Variants in MTOR observed in about 807,000 individuals in gnomAD.
MTOR encodes mechanistic target of rapamycin kinase, also known as serine/threonine-protein kinase mTOR.
Under a neutral mutation model 319.8 loss-of-function variants are expected in MTOR, and 70 were observed. The ratio of observed to expected loss-of-function variants is 0.22; its 90% confidence interval spans 0.18 to 0.27. MTOR has a LOEUF of 0.27. MTOR is among the 10% of genes least tolerant of loss of function. MTOR has a pLI of 1.00. For missense variants in MTOR, 1,890 were observed against 3,274.4 expected (o/e 0.58, Z 10.32); for synonymous variants, 1,183 against 1,211.4 (o/e 0.98, Z 0.49).
At chr1:11,165,648 T>G (rs2100602646) in intron 29 of MTOR, among the ~76,000 whole-genome samples, 1 of 152,024 alleles carries the variant, frequency 6.6e-6, no homozygotes, top group Middle Eastern at 3.4e-3. Flanking sequence ...AGAATCAATA[T>G]CGTGAAAATG....
chr1:11,166,520 A>G (rs1338438364), intron 29 of MTOR, among the ~76,000 whole-genome samples: 1 of 152,236 alleles, frequency 6.6e-6, no homozygotes, highest in Non-Finnish European at 1.5e-5. Flanking sequence ...CCATCAGAGA[A>G]ATGCAAATCA....
intron 30 of MTOR, among the ~76,000 whole-genome samples, chr1:11,152,959 G>A (rs1160182783): frequency 2.0e-5 from 3 of 152,134 alleles, no homozygotes; most frequent in Non-Finnish European, 4.4e-5. Flanking sequence ...ACTATAAAAC[G>A]GGAAAGAACC....
chr1:11,121,479 C>A lies in MTOR; in HGVS notation c.6811-111G>T. The A allele has an allele frequency of 7.1e-7, 1 of 1,415,818 alleles. No individual in the cohort carries two copies. Among genetic ancestry groups the A allele is most frequent in the Non-Finnish European group, 9.6e-7 (1 of 1,037,022 alleles). The allele number at this position is 1,415,818 out of a possible 1,614,324, so 87.7% of individuals were successfully genotyped here. The stretch of plus-strand genomic sequence containing the variant: ...CAGAGCTGAGTTCTAATTTCCCCAT[C>A]ATAGCCAAAGGAGAAGGGAAATAAG... On this transcript the variant is annotated intron_variant, in intron 48 of 57. Coordinates refer to ENST00000361445, the MANE Select transcript of MTOR (RefSeq NM_004958.4). The surrounding 1 kb of genome is among the most constrained non-coding windows in gnomAD (Gnocchi z 4.9).
At chr1:11,217,701 A>G (rs112496635) in intron 19 of MTOR, among the ~76,000 whole-genome samples, 10,006 of 150,492 alleles carry the variant, frequency 0.066, 511 homozygotes, top group African/African-American at 0.13. Context: ...GTGAGCCACC[A>G]CGCCTGGCCC....
chr1:11,124,659 G>T, intron 46 of MTOR, 26 bp from the exon 47 acceptor site: 2 of 1,592,944 alleles, frequency 1.3e-6, no homozygotes, highest in East Asian at 4.5e-5. Context: ...GGAGCGGTGA[G>T]TGTACATCAG....
At chr1:11,254,793 C>A (rs1650149811) in intron 5 of MTOR, among the ~76,000 whole-genome samples, 1 of 149,416 alleles carries the variant, frequency 6.7e-6, no homozygotes, top group South Asian at 2.1e-4. Context: ...GAGACAGAGT[C>A]TCACTCTGTT....
At chr1:11,140,433 A>G (rs888515546) in intron 34 of MTOR, among the ~76,000 whole-genome samples, 1 of 152,150 alleles carries the variant, frequency 6.6e-6, no homozygotes, top group African/African-American at 2.4e-5. Flanking sequence ...TGAGAATCCA[A>G]TGTGGCTGCC....
chr1:11,259,014 A>G (rs1391085158), intron 2 of MTOR, among the ~76,000 whole-genome samples: 1 of 152,246 alleles, frequency 6.6e-6, no homozygotes, highest in Admixed American at 6.5e-5. Context: ...TAAAAGAAAC[A>G]GCTAAGTCTA....
intron 28 of MTOR, among the ~76,000 whole-genome samples, chr1:11,167,860 G>A (rs1644694963): frequency 6.6e-6 from 1 of 152,132 alleles, no homozygotes. Flanking sequence ...ACGAGGTCAG[G>A]AGATCAAGAC....
At chr1:11,213,640 G>A in intron 20 of MTOR, 74 bp from the exon 21 acceptor site, 1 of 1,452,842 alleles carries the variant, frequency 6.9e-7, no homozygotes, top group South Asian at 1.3e-5. Context: ...GAATCAAGAT[G>A]GCCAGAAAAG....
At chr1:11,203,282 G>A (rs1276450130) in intron 26 of MTOR, among the ~76,000 whole-genome samples, 1 of 152,182 alleles carries the variant, frequency 6.6e-6, no homozygotes, top group Non-Finnish European at 1.5e-5. Flanking sequence ...TGTCTAAAGT[G>A]ATGAATATCC....
intron 13 of MTOR, among the ~76,000 whole-genome samples, chr1:11,235,798 A>G (rs113255041): frequency 0.031 from 4,784 of 152,170 alleles, 197 homozygotes; most frequent in African/African-American, 0.074. Flanking sequence ...CCTGGCCAAC[A>G]TGGAGAAACT....
At chr1:11,208,067 T>C (rs1023748250) in intron 25 of MTOR, among the ~76,000 whole-genome samples, 3 of 152,174 alleles carry the variant, frequency 2.0e-5, no homozygotes, top group African/African-American at 7.2e-5. Flanking sequence ...ATTCTGAACC[T>C]AGTCAGGATG....
rs1293004894 is a variant in MTOR, at chr1:11,177,559, A to AAAAAC, written c.4254-10047_4254-10043dup. 5.3e-5 allele frequency among the ~76,000 whole-genome samples: 8 copies of AAAAAC among 152,274 alleles called. No individual in the cohort carries two copies. The South Asian group carries it at 1.7e-3, about 32-fold the overall frequency. The stretch of plus-strand genomic sequence containing the variant: ...GGTGACAGAGTGAGACTCTGTCTCC[A>AAAAAC]AAAACAAAACAAAAGATTCCTGATG... On this transcript the variant is annotated intron_variant, in intron 28 of 57. Coordinates refer to ENST00000361445, the MANE Select transcript of MTOR (RefSeq NM_004958.4).
chr1:11,160,352 G>T (rs1380124697), intron 29 of MTOR, among the ~76,000 whole-genome samples: 1 of 152,024 alleles, frequency 6.6e-6, no homozygotes, highest in East Asian at 1.9e-4. Flanking sequence ...TGCCCATCTC[G>T]GCCTCCCAAA....
intron 13 of MTOR, among the ~76,000 whole-genome samples, chr1:11,235,595 G>C (rs1032145295): frequency 1.3e-5 from 2 of 152,162 alleles, no homozygotes; most frequent in South Asian, 4.1e-4. Context: ...AACATTTCAA[G>C]GGCTAAATTC....
intron 9 of MTOR, among the ~76,000 whole-genome samples, chr1:11,242,331 T>A (rs1648156964): frequency 6.6e-6 from 1 of 151,536 alleles, no homozygotes; most frequent in South Asian, 2.1e-4. Context: ...AAAACCTGTG[T>A]CTACAAAAAA....
At chr1:11,176,893 G>C (rs147229720) in intron 28 of MTOR, among the ~76,000 whole-genome samples, 1 of 152,300 alleles carries the variant, frequency 6.6e-6, no homozygotes, top group East Asian at 1.9e-4. Flanking sequence ...TGGGAATCTG[G>C]GAACAGGAGA....
chr1:11,238,470 C>G lies in MTOR; in HGVS notation c.1934G>C (p.Ser645Thr). Residue 645 changes from serine (S) to threonine (T), a missense_variant, in exon 12 of 58, where the codon AGC becomes ACC. Transcript: ENST00000361445. Reference sequence around the variant, plus strand: ...TGCCACCACTTGCACTGCGGTCTGGCTAACCACATGAGCATGGCCACTGAT... The same window carrying G: ...TGCCACCACTTGCACTGCGGTCTGGGTAACCACATGAGCATGGCCACTGAT... ...HLISGHAHVV[S>T]QTAVQVVADV... 6.2e-7 allele frequency: 1 copy of G among 1,614,214 alleles called. No homozygotes were observed. Among genetic ancestry groups the G allele is most frequent in the East Asian group, 2.2e-5 (1 of 44,888 alleles).
Sources: allele counts gnomAD v4.1 joint callset (sites outside exome capture counted in the v4.1 genomes callset), GRCh38; gene constraint gnomAD v4.1.1; non-coding constraint Gnocchi (gnomAD v3.1); transcripts MANE v1.5; gene names NCBI Gene and HGNC (gene_info 2026-07-23, HGNC 2026-07-21).